ADGB: variants seen among roughly 807,000 people sequenced by gnomAD.
ADGB encodes calpain-7-like protein.
ADGB carries 172 observed loss-of-function variants against 210.5 expected under a neutral mutation model. The observed-to-expected ratio is 0.82, with a 90% confidence interval of 0.72 to 0.93. The LOEUF is 0.93. Among genes scored for constraint, ADGB ranks in the 40% least tolerant of loss-of-function variants. The probability of loss-of-function intolerance (pLI) is 0.00; values close to 1 mark genes in which losing one functional copy is unlikely to be tolerated. For missense variants in ADGB, 2,025 were observed against 1,964.8 expected, an observed-to-expected ratio of 1.03 and a Z score of -0.58; for synonymous variants, 658 against 662.7, an observed-to-expected ratio of 0.99 and a Z score of 0.11.
rs369726394 is a variant in ADGB at position 146,656,905 on chromosome 6, T to C, written c.537T>C (p.Ser179=). 91 of 1,551,566 alleles carry C rather than the reference T, an allele frequency of 5.9e-5. No homozygotes were observed. Among genetic ancestry groups the C allele is most frequent in the Non-Finnish European group, 7.6e-5 (87 of 1,146,916 alleles). The change falls in exon 5 of 36, where the codon TCT becomes TCC. Residue 179 remains serine, a synonymous_variant. Transcript: ENST00000397944. The part of the protein sequence containing the change: ...LPWKPWEHIY[S]LCKAVKGHMP... ...GGAAGCCCTGGGAACACATATACTC[T>C]CTGTGCAAGGCTGTGAAGGGTCATA...
chr6:146,646,996 T>C (rs1024349638), intron 3 of ADGB, among the ~76,000 whole-genome samples: 1 of 151,236 alleles, frequency 6.6e-6, no homozygotes, highest in Non-Finnish European at 1.5e-5. Flanking sequence ...GGCTGAGGCA[T>C]GTGAATCACT....
intron 33 of ADGB, among the ~76,000 whole-genome samples, chr6:146,796,534 C>T (rs545977543): frequency 6.6e-6 from 1 of 152,126 alleles, no homozygotes; most frequent in Non-Finnish European, 1.5e-5. Flanking sequence ...GACAATGGAA[C>T]AGAATAGAGA....
At chr6:146,741,021 C>A in intron 24 of ADGB, 97 bp from the exon 25 acceptor site, 1 of 942,026 alleles carries the variant, frequency 1.1e-6, no homozygotes, top group East Asian at 3.0e-5. Context: ...TTATTTGGAA[C>A]TTTGGATTTT....
At chr6:146,768,907 G>T in intron 28 of ADGB, 113 bp from the exon 29 acceptor site, 1 of 510,762 alleles carries the variant, frequency 2.0e-6, no homozygotes, top group South Asian at 5.0e-5. Flanking sequence ...ACTAAATTAT[G>T]ACTGTCTGAT....
At chr6:146,601,165 T>C (rs1396146384) in intron 1 of ADGB, among the ~76,000 whole-genome samples, 2 of 152,256 alleles carry the variant, frequency 1.3e-5, no homozygotes, top group Non-Finnish European at 1.5e-5. Context: ...TATTACACAA[T>C]GGAAACTAGA....
chr6:146,738,754 G>A (rs1004924031), intron 23 of ADGB, among the ~76,000 whole-genome samples: 1 of 151,916 alleles, frequency 6.6e-6, no homozygotes. Flanking sequence ...CACTGCGCCC[G>A]GCCGAATCCC....
rs2114544339 is a variant in ADGB at position 146,700,937 on chromosome 6, T to C, written c.1578-4T>C. ...AGAAGTTTGGGGTTTTGTTTTCCTT[T>C]TAGGCATTTTGTGCGCTCCTTAATT... On this transcript the variant is annotated splice_region_variant and splice_polypyrimidine_tract_variant and intron_variant, in intron 12 of 35. Transcript: ENST00000397944. 6.5e-7 allele frequency: 1 copy of C among 1,546,536 alleles called. No individual in the cohort carries two copies. The highest frequency in any genetic ancestry group is 2.4e-5 in the East Asian group (1 of 40,832).
At chr6:146,612,286 C>T (rs977883803) in intron 1 of ADGB, among the ~76,000 whole-genome samples, 2 of 152,144 alleles carry the variant, frequency 1.3e-5, no homozygotes, top group African/African-American at 2.4e-5. Flanking sequence ...ATCTCTGAAC[C>T]TTATCATGTG....
chr6:146,787,135 C>A (rs1208822608), intron 32 of ADGB, among the ~76,000 whole-genome samples: 1 of 152,144 alleles, frequency 6.6e-6, no homozygotes, highest in Non-Finnish European at 1.5e-5. Flanking sequence ...AGGCCAAGGA[C>A]AAGGCCTAGT....
chr6:146,746,887 G>A (rs920649404), intron 26 of ADGB, among the ~76,000 whole-genome samples: 3 of 151,974 alleles, frequency 2.0e-5, no homozygotes, highest in African/African-American at 7.3e-5. Context: ...TTTTGCTCGA[G>A]CATTTCCTCT....
intron 25 of ADGB, among the ~76,000 whole-genome samples, chr6:146,744,721 G>A (rs1165631514): frequency 6.6e-6 from 1 of 151,968 alleles, no homozygotes; most frequent in African/African-American, 2.4e-5. Context: ...TCGATACTCA[G>A]TACTCGATTA....
intron 29 of ADGB, among the ~76,000 whole-genome samples, chr6:146,779,313 T>C (rs1235000714): frequency 6.6e-6 from 1 of 152,180 alleles, no homozygotes; most frequent in Non-Finnish European, 1.5e-5. Context: ...GGAAGAGATC[T>C]TCAGAGACTT....
At chr6:146,774,853 A>ACCT (rs1490609662) in intron 29 of ADGB, among the ~76,000 whole-genome samples, 2 of 151,776 alleles carry the variant, frequency 1.3e-5, no homozygotes. Flanking sequence ...TTTTTTTGCA[A>ACCT]CCTCCTCCTC....
intron 29 of ADGB, among the ~76,000 whole-genome samples, chr6:146,779,507 G>C (rs1416423618): frequency 6.6e-6 from 1 of 152,130 alleles, no homozygotes. Context: ...AAGAGACCCA[G>C]AGCTAGACAC....
At chr6:146,672,878 G>C (rs188189907) in intron 8 of ADGB, among the ~76,000 whole-genome samples, 1 of 151,908 alleles carries the variant, frequency 6.6e-6, no homozygotes, top group African/African-American at 2.4e-5. Flanking sequence ...TTACAGGCGT[G>C]CACCACCACG....
chr6:146,724,120 C>A, intron 17 of ADGB, 66 bp from the exon 18 acceptor site: 2 of 1,269,162 alleles, frequency 1.6e-6, no homozygotes, highest in Non-Finnish European at 1.1e-6. Context: ...TAAAAAAAGA[C>A]AGTACTAGTG....
intron 1 of ADGB, among the ~76,000 whole-genome samples, chr6:146,617,716 T>C (rs1254177113): frequency 2.0e-5 from 3 of 152,156 alleles, no homozygotes; most frequent in South Asian, 2.1e-4. Flanking sequence ...GTTTTTCTTC[T>C]TGATTCCATT....
At chr6:146,665,470 G>T (rs1259330474) in intron 6 of ADGB, among the ~76,000 whole-genome samples, 1 of 151,926 alleles carries the variant, frequency 6.6e-6, no homozygotes, top group African/African-American at 2.4e-5. Context: ...ATTCATACCG[G>T]TGGCATGTTC....
intron 13 of ADGB, among the ~76,000 whole-genome samples, chr6:146,706,542 G>A (rs1258228442): frequency 3.3e-5 from 5 of 152,052 alleles, no homozygotes; most frequent in Non-Finnish European, 5.9e-5. Flanking sequence ...ACAGACATAA[G>A]CCACAGTTTT....
Sources: allele counts gnomAD v4.1 joint callset (sites outside exome capture counted in the v4.1 genomes callset), GRCh38; gene constraint gnomAD v4.1.1; transcripts MANE v1.5; gene names NCBI Gene and HGNC (gene_info 2026-07-23, HGNC 2026-07-21).